MFN1: variants seen among roughly 807,000 people sequenced by gnomAD.
MFN1 encodes the protein mitofusin 1.
A neutral mutation model predicts 92.4 loss-of-function variants in MFN1; 65 were observed. The ratio of observed to expected loss-of-function variants is 0.70; its 90% CI spans 0.58 to 0.86. The LOEUF is 0.86. MFN1 is among the 40% of genes least tolerant of loss of function. The pLI is 0.00. For missense variants in MFN1, 781 were observed against 868.0 expected (o/e 0.90, Z 1.26); for synonymous variants, 297 against 300.9 (o/e 0.99, Z 0.13).
intron 12 of MFN1, among the ~76,000 whole-genome samples, chr3:179,378,068 AT>A (rs1713313560): frequency 6.6e-6 from 1 of 152,124 alleles, no homozygotes; most frequent in South Asian, 2.1e-4. Context: ...CTCAAAAAAA[AT>A]AAAAAATAGC....
Position 179,367,580 on chromosome 3 carries a change from A to T in MFN1, c.895A>T (p.Met299Leu), listed in dbSNP as rs777286046. The change falls in exon 8 of 18, where the codon ATG (methionine) becomes TTG (leucine). Residue 299 changes from methionine (M) to leucine (L), a missense_variant. Physicochemically the swap from Met to Leu is conservative, Grantham distance 15. Transcript: ENST00000471841. ...LSARKQKAQG[M>L]PESGVALAEG... ...TGCTAGAAAGCAAAAAGCACAGGGG[A>T]TGCCAGAAAGTGGTATGCATTACCT... The T allele has an allele frequency of 3.1e-6, 5 of 1,610,048 alleles. No individual in the cohort carries two copies. Among genetic ancestry groups the T allele is most frequent in the Non-Finnish European group, 4.2e-6 (5 of 1,178,794 alleles).
At chr3:179,367,952 ATT>A in intron 8 of MFN1, 82 bp from the exon 9 acceptor site, 1 of 626,412 alleles carries the variant, frequency 1.6e-6, no homozygotes, top group Non-Finnish European at 2.2e-6. Flanking sequence ...ATATATATAT[ATT>A]TAAAATTATA....
chr3:179,391,848 A>C, intron 17 of MFN1, 133 bp from the exon 18 acceptor site: 1 of 592,218 alleles, frequency 1.7e-6, no homozygotes, highest in Non-Finnish European at 3.0e-6. Context: ...TATCCCGTGT[A>C]AGGTATGATT....
intron 3 of MFN1, among the ~76,000 whole-genome samples, chr3:179,354,052 T>A (rs927716209): frequency 5.9e-5 from 9 of 152,242 alleles, no homozygotes; most frequent in African/African-American, 1.9e-4. Context: ...TTCTCCCATT[T>A]GACCATATTC....
intron 14 of MFN1, among the ~76,000 whole-genome samples, chr3:179,385,164 C>T (rs538026758): frequency 2.6e-5 from 4 of 151,098 alleles, no homozygotes; most frequent in African/African-American, 7.3e-5. Context: ...CCATCCACCT[C>T]GGCCTCCCAA....
intron 1 of MFN1, among the ~76,000 whole-genome samples, chr3:179,348,567 A>T (rs1712011290): frequency 6.6e-6 from 1 of 152,248 alleles, no homozygotes; most frequent in African/African-American, 2.4e-5. Flanking sequence ...ATGCAGTGAC[A>T]AACTTAGTCA....
intron 14 of MFN1, among the ~76,000 whole-genome samples, chr3:179,384,567 A>T (rs1386831788): frequency 6.6e-6 from 1 of 152,112 alleles, no homozygotes; most frequent in Non-Finnish European, 1.5e-5. Context: ...ATGATTTCCA[A>T]ATATGTTTCT....
At chr3:179,350,259 C>CTTTT (rs1191550861) in intron 2 of MFN1, among the ~76,000 whole-genome samples, 1 of 151,220 alleles carries the variant, frequency 6.6e-6, no homozygotes, top group Non-Finnish European at 1.5e-5. Context: ...GGGAATCAAA[C>CTTTT]TTTTTTTTTC....
chr3:179,374,734 A>C (rs551225690), intron 9 of MFN1, among the ~76,000 whole-genome samples: 1 of 152,294 alleles, frequency 6.6e-6, no homozygotes, highest in African/African-American at 2.4e-5. Flanking sequence ...TAACTCAATG[A>C]AGTCCTTTTT....
intron 9 of MFN1, among the ~76,000 whole-genome samples, chr3:179,372,053 T>TTATTATATATTATATATTATA (rs564698602): frequency 6.8e-6 from 1 of 147,010 alleles, no homozygotes; most frequent in African/African-American, 2.5e-5. Context: ...TTATATATAT[T>TTATTATATATTATATATTATA]TATTATATAT....
At chr3:179,350,290 T>C (rs924539317) in intron 2 of MFN1, among the ~76,000 whole-genome samples, 2 of 152,132 alleles carry the variant, frequency 1.3e-5, no homozygotes, top group African/African-American at 4.8e-5. Context: ...CAACCCTCTC[T>C]TACCATATTT....
intron 8 of MFN1, among the ~76,000 whole-genome samples, 190 bp downstream of exon 8, chr3:179,367,782 G>A (rs1450463537): frequency 2.0e-5 from 3 of 151,852 alleles, no homozygotes; most frequent in African/African-American, 7.3e-5. Context: ...AATTAGCTGG[G>A]CATGGTGGTG....
At chr3:179,389,927 CTTTT>C (rs1172424582) in intron 16 of MFN1, 73 bp from the exon 17 acceptor site, 4 of 1,373,618 alleles carry the variant, frequency 2.9e-6, no homozygotes, top group South Asian at 2.7e-5. Context: ...TTGTGTTCTT[CTTTT>C]TATGTGAGCT....
Position 179,368,027 on chromosome 3 carries a change from A to G in MFN1, c.908-9A>G. 2 of 1,516,780 alleles carry G rather than the reference A, an allele frequency of 1.3e-6. No individual in the cohort carries two copies. The highest frequency in any genetic ancestry group is 1.3e-5 in the South Asian group (1 of 74,264). 94.0% of individuals were successfully genotyped at this position (1,516,780 alleles called of 1,614,324 possible). On this transcript the variant is annotated splice_polypyrimidine_tract_variant and intron_variant, in intron 8 of 17. Coordinates refer to ENST00000471841, the MANE Select transcript of MFN1 (RefSeq NM_033540.3). Reference sequence around the variant, plus strand: ...ACTAGGTTTTTAAATCTTTGCCTGTACGTTACAGGTGTGGCACTTGCTGAA... The same window carrying G: ...ACTAGGTTTTTAAATCTTTGCCTGTGCGTTACAGGTGTGGCACTTGCTGAA...
chr3:179,348,658 G>C (rs1712015273), intron 1 of MFN1, 187 bp from the exon 2 acceptor site: 4 of 791,260 alleles, frequency 5.1e-6, no homozygotes, highest in African/African-American at 1.7e-5. Flanking sequence ...ACTTATTTTA[G>C]TGAAATATCA....
intron 1 of MFN1, 198 bp from the exon 2 acceptor site, chr3:179,348,647 C>T (rs955132871): frequency 8.6e-6 from 6 of 698,782 alleles, no homozygotes; most frequent in Non-Finnish European, 1.0e-5. Flanking sequence ...TAATAGATTT[C>T]ACTTATTTTA....
At chr3:179,349,399 T>A (rs985570754) in intron 2 of MFN1, among the ~76,000 whole-genome samples, 2 of 152,130 alleles carry the variant, frequency 1.3e-5, no homozygotes, top group African/African-American at 4.8e-5. Context: ...AGCCAAGACC[T>A]CAGACATATC....
chr3:179,378,640 C>A lies in MFN1; in HGVS notation c.1488C>A (p.Ile496=), dbSNP rs780129372. The change falls in exon 14 of 18, where the codon ATC becomes ATA. Residue 496 remains isoleucine (I), a synonymous_variant. Coordinates refer to ENST00000471841, the MANE Select transcript of MFN1 (RefSeq NM_033540.3). ...TACAGGATAAACTACATACACTGAT[C>A]CCTTGCAAGAAATTTGATCTCAGTT... ...AGIQDKLHTL[I]PCKKFDLSYN... 6.8e-6 allele frequency: 11 copies of A among 1,613,672 alleles called. No homozygotes were observed. The Admixed American group carries it at 1.8e-4, about 27-fold the overall frequency.
chr3:179,374,972 G>A (rs564205768), intron 9 of MFN1, among the ~76,000 whole-genome samples: 84 of 152,134 alleles, frequency 5.5e-4, no homozygotes, highest in Non-Finnish European at 1.1e-3. Context: ...TAATGTTAGA[G>A]TCAAACCATT....
Sources: gnomAD v4.1 joint callset for allele counts (sites outside exome capture counted in the v4.1 genomes callset) on GRCh38, gnomAD v4.1.1 for gene constraint, MANE v1.5 for transcripts, NCBI Gene and HGNC (gene_info 2026-07-23, HGNC 2026-07-21) for gene names.